KCNK13: variants seen among roughly 807,000 people sequenced by gnomAD.
KCNK13 encodes the protein potassium two pore domain channel subfamily K member 13.
A neutral mutation model predicts 23.4 loss-of-function variants in KCNK13; 12 were observed. The ratio of observed to expected loss-of-function variants is 0.51; its 90% CI spans 0.33 to 0.83. The LOEUF is 0.83. Among genes scored for constraint, KCNK13 ranks in the 40% least tolerant of loss-of-function variants. KCNK13 has a pLI of 0.02. For missense variants in KCNK13, 463 were observed against 556.3 expected, an observed-to-expected ratio of 0.83 and a Z score of 1.69; for synonymous variants, 231 against 229.5, an observed-to-expected ratio of 1.01 and a Z score of -0.06.
chr14:90,123,291 G>A (rs113377800), intron 1 of KCNK13, among the ~76,000 whole-genome samples: 2,082 of 152,222 alleles, frequency 0.014, 54 homozygotes, highest in Middle Eastern at 0.024. Context: ...TGAGATCAAG[G>A]TATCAGCAGG....
intron 1 of KCNK13, among the ~76,000 whole-genome samples, chr14:90,130,642 A>G (rs1889857308): frequency 6.6e-6 from 1 of 151,854 alleles, no homozygotes; most frequent in Non-Finnish European, 1.5e-5. Context: ...GCAAAACCCC[A>G]TCTCTACTAA....
At chr14:90,105,858 G>A (rs1199945465) in intron 1 of KCNK13, among the ~76,000 whole-genome samples, 1 of 152,232 alleles carries the variant, frequency 6.6e-6, no homozygotes, top group East Asian at 1.9e-4. Flanking sequence ...TTCCTAGTAA[G>A]ACGGCATGAT....
At chr14:90,128,165 GGA>G (rs1214929321) in intron 1 of KCNK13, among the ~76,000 whole-genome samples, 2 of 152,168 alleles carry the variant, frequency 1.3e-5, no homozygotes, top group African/African-American at 4.8e-5. Flanking sequence ...CTTTAACACT[GGA>G]TCAATGGTGC....
At chr14:90,155,190 A>G (rs1412768889) in intron 1 of KCNK13, among the ~76,000 whole-genome samples, 1 of 152,130 alleles carries the variant, frequency 6.6e-6, no homozygotes, top group Admixed American at 6.6e-5. Flanking sequence ...ATTTGAGCAA[A>G]CACATGAAGA....
intron 1 of KCNK13, among the ~76,000 whole-genome samples, chr14:90,108,943 G>A (rs1385638235): frequency 1.3e-5 from 2 of 152,112 alleles, no homozygotes; most frequent in African/African-American, 2.4e-5. Context: ...TTGGGAGGCC[G>A]AGGCAGGCAG....
chr14:90,164,465 G>A (rs922063549), intron 1 of KCNK13, among the ~76,000 whole-genome samples: 1 of 152,204 alleles, frequency 6.6e-6, no homozygotes, highest in East Asian at 1.9e-4. Flanking sequence ...GGAAGGAAGG[G>A]GGAAGGGAAG....
chr14:90,180,072 C>T (rs913321681), intron 1 of KCNK13, among the ~76,000 whole-genome samples: 5 of 152,178 alleles, frequency 3.3e-5, no homozygotes, highest in African/African-American at 1.2e-4. Context: ...ATGAGCTACA[C>T]TCAGCCTAGT....
chr14:90,169,088 G>A (rs943089985), intron 1 of KCNK13, among the ~76,000 whole-genome samples: 4 of 152,136 alleles, frequency 2.6e-5, no homozygotes, highest in African/African-American at 7.2e-5. Context: ...TATTAGCAGC[G>A]TGAGAACAGA....
intron 1 of KCNK13, among the ~76,000 whole-genome samples, chr14:90,067,473 T>C (rs1368523737): frequency 6.6e-6 from 1 of 152,022 alleles, no homozygotes; most frequent in Non-Finnish European, 1.5e-5. Flanking sequence ...GAAGTGGGAG[T>C]TATTGTTTAA....
At position 90,087,952 on chromosome 14, in the gene KCNK13, C is replaced by T. The variant is rs1344751803; in HGVS notation, c.334+25413C>T. Among the ~76,000 whole-genome samples, 6 of 152,098 alleles carry T rather than the reference C, an allele frequency of 3.9e-5. No individual in the cohort carries two copies. In the East Asian group the frequency reaches 9.7e-4, roughly 24 times the overall value. ...GCTGATTTTGGAATATATAATATTG[C>T]TTCTTGGTGATTCAATGCTACTTCT... is the stretch of plus-strand genomic sequence containing the variant. On this transcript the variant is annotated intron_variant, in intron 1 of 1. Coordinates refer to ENST00000282146, the MANE Select transcript of KCNK13 (RefSeq NM_022054.4).
chr14:90,182,767 G>A (rs952615008), intron 1 of KCNK13, among the ~76,000 whole-genome samples: 1 of 151,552 alleles, frequency 6.6e-6, no homozygotes, highest in Non-Finnish European at 1.5e-5. Context: ...GCTGCAGTGA[G>A]GTGTGATTGC....
intron 1 of KCNK13, among the ~76,000 whole-genome samples, chr14:90,101,330 A>G (rs1055219517): frequency 5.9e-5 from 9 of 152,072 alleles, no homozygotes; most frequent in African/African-American, 2.2e-4. Flanking sequence ...GCACGTCTCC[A>G]CTCATATCTT....
At chr14:90,123,379 C>T (rs1312026449) in intron 1 of KCNK13, among the ~76,000 whole-genome samples, 3 of 152,130 alleles carry the variant, frequency 2.0e-5, no homozygotes, top group Admixed American at 6.5e-5. Context: ...GTCTTCCCTC[C>T]GTGTGTGTCT....
intron 1 of KCNK13, among the ~76,000 whole-genome samples, chr14:90,146,931 T>C (rs1251979347): frequency 1.3e-5 from 2 of 152,204 alleles, no homozygotes; most frequent in African/African-American, 4.8e-5. Flanking sequence ...TTAAAATTCT[T>C]CAGTGTGTTA....
chr14:90,172,806 A>G (rs1048444464), intron 1 of KCNK13, among the ~76,000 whole-genome samples: 1 of 152,244 alleles, frequency 6.6e-6, no homozygotes, highest in Admixed American at 6.5e-5. Context: ...CAACATTGTC[A>G]TCAGAATCTG....
intron 1 of KCNK13, among the ~76,000 whole-genome samples, chr14:90,071,073 C>T (rs1314166224): frequency 6.6e-6 from 1 of 152,140 alleles, no homozygotes; most frequent in African/African-American, 2.4e-5. Context: ...TCATCTTAGC[C>T]CATTGCATTA....
chr14:90,126,473 G>A (rs578187004), intron 1 of KCNK13, among the ~76,000 whole-genome samples: 102 of 151,972 alleles, frequency 6.7e-4, no homozygotes, highest in African/African-American at 2.2e-3. Context: ...GTGACGTGAC[G>A]TGATGAGAAT....
chr14:90,148,362 A>G (rs1213259805), intron 1 of KCNK13, among the ~76,000 whole-genome samples: 2 of 152,208 alleles, frequency 1.3e-5, no homozygotes, highest in African/African-American at 4.8e-5. Flanking sequence ...CCACGATGAG[A>G]TCCTCTCCCT....
chr14:90,095,744 TG>T (rs1189201469), intron 1 of KCNK13, among the ~76,000 whole-genome samples: 1 of 152,176 alleles, frequency 6.6e-6, no homozygotes, highest in Non-Finnish European at 1.5e-5. Context: ...AAACACCAGC[TG>T]GATGTCTTCT....
Sources: gnomAD v4.1 joint callset for allele counts (sites outside exome capture counted in the v4.1 genomes callset) on GRCh38, gnomAD v4.1.1 for gene constraint, MANE v1.5 for transcripts, NCBI Gene and HGNC (gene_info 2026-07-23, HGNC 2026-07-21) for gene names.